The following CCDC102B variants were observed in gnomAD, a reference collection of about 807,000 sequenced individuals.
The protein encoded by CCDC102B is coiled-coil domain containing 102B.
A neutral mutation model predicts 57.4 loss-of-function variants in CCDC102B; 75 were observed. That is an observed-to-expected ratio of 1.31 (90% CI 1.08 to 1.58). The LOEUF is 1.58. CCDC102B is among the 40% of genes most tolerant of loss of function. The pLI, the probability that CCDC102B is intolerant of heterozygous loss-of-function variation, is 0.00. For synonymous variants in CCDC102B, 206 were observed against 201.9 expected (o/e 1.02, Z -0.17); for missense variants, 636 against 582.6 (o/e 1.09, Z -0.94).
chr18:68,732,640 C>T (rs1354412299), intron 2 of CCDC102B, among the ~76,000 whole-genome samples: 5 of 152,142 alleles, frequency 3.3e-5, no homozygotes, highest in Non-Finnish European at 7.4e-5. Flanking sequence ...ACCCACAGCG[C>T]CCGGCCTACT....
intron 4 of CCDC102B, among the ~76,000 whole-genome samples, chr18:68,873,121 TTTA>T (rs2039301087): frequency 6.6e-6 from 1 of 152,154 alleles, no homozygotes; most frequent in African/African-American, 2.4e-5. Flanking sequence ...TAGCCTCTGT[TTTA>T]TACTCTTTTG....
At chr18:69,013,868 A>G (rs564865593) in intron 7 of CCDC102B, among the ~76,000 whole-genome samples, 1 of 152,348 alleles carries the variant, frequency 6.6e-6, no homozygotes, top group African/African-American at 2.4e-5. Flanking sequence ...AAAAGGTAAA[A>G]TATATAAATT....
At chr18:68,824,001 G>GCTGT (rs34526786) in intron 1 of CCDC102B, among the ~76,000 whole-genome samples, 61,524 of 150,612 alleles carry the variant, frequency 0.41, 13,569 homozygotes, top group East Asian at 0.82. Context: ...CATTTTGCCG[G>GCTGT]CTATTTACTC....
At chr18:68,940,842 A>G (rs1017570030) in intron 6 of CCDC102B, among the ~76,000 whole-genome samples, 1 of 151,916 alleles carries the variant, frequency 6.6e-6, no homozygotes, top group Non-Finnish European at 1.5e-5. Context: ...ATAGTATTCA[A>G]TGAAATACCT....
intron 4 of CCDC102B, among the ~76,000 whole-genome samples, chr18:68,850,921 A>G (rs939271906): frequency 6.6e-6 from 1 of 152,166 alleles, no homozygotes; most frequent in African/African-American, 2.4e-5. Context: ...GTCTCTGTCC[A>G]AAGTATGTTT....
chr18:68,776,147 G>C (rs778521071), intron 2 of CCDC102B, among the ~76,000 whole-genome samples: 2 of 151,912 alleles, frequency 1.3e-5, no homozygotes, highest in Non-Finnish European at 2.9e-5. Context: ...TTTATCTGTG[G>C]AGTGTATTCT....
At chr18:68,747,730 A>G (rs1160827178) in intron 2 of CCDC102B, among the ~76,000 whole-genome samples, 1 of 152,152 alleles carries the variant, frequency 6.6e-6, no homozygotes, top group East Asian at 1.9e-4. Flanking sequence ...ACAGTGATAC[A>G]TCATTATATG....
chr18:69,010,658 G>C (rs1365954411), intron 6 of CCDC102B, among the ~76,000 whole-genome samples: 1 of 152,012 alleles, frequency 6.6e-6, no homozygotes, highest in African/African-American at 2.4e-5. Context: ...TTCCTTTTGG[G>C]GGAAGGTTAC....
chr18:68,986,355 A>G (rs985770462), intron 6 of CCDC102B, among the ~76,000 whole-genome samples: 4 of 152,200 alleles, frequency 2.6e-5, no homozygotes, highest in African/African-American at 9.6e-5. Context: ...AAATCAATAA[A>G]TGTGATTTAC....
At chr18:68,797,968 G>C (rs892218409), upstream of CCDC102B, 2 of 152,058 alleles carry the variant, frequency 1.3e-5, no homozygotes, top group African/African-American at 4.8e-5. Context: ...TGGCTCAATG[G>C]TGATCCAAAG....
At chr18:68,894,866 C>A (rs2040191985) in intron 5 of CCDC102B, among the ~76,000 whole-genome samples, 1 of 151,510 alleles carries the variant, frequency 6.6e-6, no homozygotes, top group Admixed American at 6.6e-5. Context: ...TCATTCAGAC[C>A]ATGTATTACT....
At chr18:69,030,020 C>T (rs1189989433) in intron 7 of CCDC102B, among the ~76,000 whole-genome samples, 3 of 151,982 alleles carry the variant, frequency 2.0e-5, no homozygotes, top group African/African-American at 7.3e-5. Flanking sequence ...AAAAGTGTGC[C>T]AGCTTTATTC....
At chr18:68,997,468 T>C (rs1166617373) in intron 6 of CCDC102B, among the ~76,000 whole-genome samples, 1 of 152,066 alleles carries the variant, frequency 6.6e-6, no homozygotes, top group Non-Finnish European at 1.5e-5. Context: ...AAAAGGAGTA[T>C]CAGTGAAAGC....
chr18:68,731,531 T>C (rs1239622027), intron 2 of CCDC102B, among the ~76,000 whole-genome samples: 1 of 152,066 alleles, frequency 6.6e-6, no homozygotes, highest in Non-Finnish European at 1.5e-5. Context: ...ATCTGGACTC[T>C]ACATTTGCAT....
At chr18:69,037,638 A>G (rs1159418435) in intron 7 of CCDC102B, among the ~76,000 whole-genome samples, 5 of 152,048 alleles carry the variant, frequency 3.3e-5, no homozygotes, top group Non-Finnish European at 5.9e-5. Flanking sequence ...AAGAAAGAAC[A>G]TGAGCAAAGG....
intron 2 of CCDC102B, among the ~76,000 whole-genome samples, chr18:68,743,330 C>T (rs1255504413): frequency 6.6e-6 from 1 of 152,182 alleles, no homozygotes; most frequent in African/African-American, 2.4e-5. Flanking sequence ...ATCACTTGAA[C>T]CCGGGTGGTG....
chr18:69,018,737 C>T (rs11872698), intron 7 of CCDC102B, among the ~76,000 whole-genome samples: 19,800 of 151,708 alleles, frequency 0.13, 2,114 homozygotes, highest in East Asian at 0.35. Context: ...TTTTCATTTT[C>T]TTTTTCTGTA....
intron 6 of CCDC102B, among the ~76,000 whole-genome samples, chr18:68,980,246 T>G (rs1349847433): frequency 6.7e-6 from 1 of 150,270 alleles, no homozygotes; most frequent in African/African-American, 2.5e-5. Context: ...TCCAGAATCA[T>G]ATTCAATCCT....
chr18:69,020,192 C>T (rs901106745), intron 7 of CCDC102B, among the ~76,000 whole-genome samples: 1 of 152,016 alleles, frequency 6.6e-6, no homozygotes, highest in South Asian at 2.1e-4. Flanking sequence ...CTCCTAGTTG[C>T]TAGATGCTTA....
Sources: gnomAD v4.1 joint callset for allele counts (sites outside exome capture counted in the v4.1 genomes callset) on GRCh38, gnomAD v4.1.1 for gene constraint, MANE v1.5 for transcripts, NCBI Gene and HGNC (gene_info 2026-07-23, HGNC 2026-07-21) for gene names.